SEMA3A: variants seen among roughly 807,000 people sequenced by gnomAD.
SEMA3A encodes the protein semaphorin 3A.
In SEMA3A, 29 loss-of-function variants were observed where a neutral mutation model predicts 97.9. That is an observed-to-expected ratio of 0.30 (90% CI 0.22 to 0.40). The LOEUF is 0.40. Ranked by LOEUF, SEMA3A falls within the 10% of genes least tolerant of loss-of-function variation. The probability of loss-of-function intolerance (pLI) is 1.00; values close to 1 mark genes in which losing one functional copy is unlikely to be tolerated. For synonymous variants in SEMA3A, 321 were observed against 323.7 expected, an observed-to-expected ratio of 0.99 and a Z score of 0.09; for missense variants, 763 against 951.3, an observed-to-expected ratio of 0.80 and a Z score of 2.60.
chr7:84,376,603 C>CA (rs60380985), intron 1 of SEMA3A, among the ~76,000 whole-genome samples: 6,463 of 36,380 alleles, frequency 0.18, 1,738 homozygotes, highest in East Asian at 0.56. Flanking sequence ...GACTCCGTCT[C>CA]AAAAAAAAAA....
intron 12 of SEMA3A, 69 bp from the exon 13 acceptor site, chr7:83,985,546 C>G (rs997788199): frequency 8.2e-7 from 1 of 1,217,150 alleles, no homozygotes; most frequent in Non-Finnish European, 1.2e-6. Context: ...TTAATTAACT[C>G]AAGGCACTGC....
At chr7:84,110,142 G>T (rs564643082) in intron 4 of SEMA3A, among the ~76,000 whole-genome samples, 1 of 152,114 alleles carries the variant, frequency 6.6e-6, no homozygotes, top group Non-Finnish European at 1.5e-5. Context: ...GGAAAAGGAG[G>T]AGAAGGCTGG....
chr7:84,062,617 G>C (rs1427101125), intron 4 of SEMA3A, among the ~76,000 whole-genome samples: 2 of 152,222 alleles, frequency 1.3e-5, no homozygotes, highest in Admixed American at 6.5e-5. Context: ...GAAGCGCAAG[G>C]GGTCAGGGAG....
intron 1 of SEMA3A, among the ~76,000 whole-genome samples, chr7:84,415,939 C>T (rs1468835643): frequency 1.3e-5 from 2 of 151,902 alleles, no homozygotes; most frequent in Non-Finnish European, 2.9e-5. Flanking sequence ...GATACGGCAC[C>T]AAAATTATCA....
At chr7:84,288,750 C>T (rs1320057394) in intron 3 of SEMA3A, among the ~76,000 whole-genome samples, 1 of 152,020 alleles carries the variant, frequency 6.6e-6, no homozygotes, top group East Asian at 1.9e-4. Context: ...AGTGTGTTCT[C>T]TGAACTTGGC....
intron 1 of SEMA3A, among the ~76,000 whole-genome samples, chr7:84,176,047 A>C (rs1335407339): frequency 6.6e-6 from 1 of 151,818 alleles, no homozygotes; most frequent in Non-Finnish European, 1.5e-5. Context: ...CAAATTCTGA[A>C]TTAAAATGTT....
chr7:84,165,455 T>C (rs1797173330), intron 1 of SEMA3A, among the ~76,000 whole-genome samples: 1 of 152,042 alleles, frequency 6.6e-6, no homozygotes, highest in African/African-American at 2.4e-5. Context: ...GAGTACTTAA[T>C]ATGTTGGAAG....
At chr7:84,345,022 T>C (rs1444168051) in intron 2 of SEMA3A, among the ~76,000 whole-genome samples, 1 of 152,188 alleles carries the variant, frequency 6.6e-6, no homozygotes, top group Non-Finnish European at 1.5e-5. Context: ...AATATTTAAA[T>C]AGACACTATA....
rs1460121264 is a variant in SEMA3A at position 84,188,919 on chromosome 7, T to C, written c.112+5556A>G. 3.9e-5 allele frequency among the ~76,000 whole-genome samples: 6 copies of C among 152,018 alleles called. No individual in the cohort carries two copies. In the South Asian group the frequency reaches 6.2e-4, roughly 16 times the overall value. ...TTGTGAATGTTAAATTTCATGACTA[T>C]TATGCCAATTTTTCCAAACTTGGTC... is the stretch of plus-strand genomic sequence containing the variant. On this transcript the variant is annotated intron_variant, in intron 1 of 16. Coordinates refer to ENST00000265362, the MANE Select transcript of SEMA3A (RefSeq NM_006080.3).
At chr7:84,159,616 T>C (rs1333477696) in intron 1 of SEMA3A, among the ~76,000 whole-genome samples, 2 of 152,158 alleles carry the variant, frequency 1.3e-5, no homozygotes, top group Non-Finnish European at 2.9e-5. Flanking sequence ...ACACCACCTC[T>C]TCATACCAGT....
chr7:84,426,277 C>CAGATAGAT (rs1554384465), intron 1 of SEMA3A, among the ~76,000 whole-genome samples: 5,656 of 133,054 alleles, frequency 0.043, 144 homozygotes, highest in South Asian at 0.071. Context: ...GATATATAGA[C>CAGATAGAT]AGATAGATAG....
chr7:84,475,543 TATG>T (rs1161045979), intron 1 of SEMA3A, among the ~76,000 whole-genome samples: 1 of 152,208 alleles, frequency 6.6e-6, no homozygotes, highest in Non-Finnish European at 1.5e-5. Context: ...TATATAAAAA[TATG>T]ATCACAAAAT....
intron 1 of SEMA3A, among the ~76,000 whole-genome samples, chr7:84,143,920 ATCTCTCTCTCTCTC>A (rs142920312): frequency 7.8e-6 from 1 of 128,716 alleles, no homozygotes; most frequent in African/African-American, 3.0e-5. Flanking sequence ...TACTGTCCTA[ATCTCTCTCTCTCTC>A]TCTCTCTCTC....
At chr7:83,973,477 G>T (rs1472376983) in intron 15 of SEMA3A, among the ~76,000 whole-genome samples, 2 of 151,878 alleles carry the variant, frequency 1.3e-5, no homozygotes, top group African/African-American at 4.8e-5. Context: ...TAAAGGTAGG[G>T]ATTACTTTTA....
chr7:84,406,067 A>G (rs1804075809), intron 1 of SEMA3A, among the ~76,000 whole-genome samples: 1 of 152,214 alleles, frequency 6.6e-6, no homozygotes, highest in Non-Finnish European at 1.5e-5. Context: ...ACTGAAGGAA[A>G]TAGAGACACA....
At chr7:83,965,115 A>G (rs1488267446) in intron 15 of SEMA3A, among the ~76,000 whole-genome samples, 1 of 123,802 alleles carries the variant, frequency 8.1e-6, no homozygotes, top group African/African-American at 3.0e-5. Flanking sequence ...TTTTTTTTGT[A>G]TTTTTAGTAG....
In SEMA3A at chr7:84,104,066, G is replaced by A. The variant is rs988146774; in HGVS notation, c.453+6404C>T. On this transcript the variant is annotated intron_variant, in intron 4 of 16. Transcript: ENST00000265362. ...ATGTAAAAGCTTTGATCCAAACTAG[G>A]TATTAGTCTACAAGGAATAGGAAAA... 2.8e-4 allele frequency among the ~76,000 whole-genome samples: 43 copies of A among 151,958 alleles called. 1 individual carries two copies. The highest frequency in any genetic ancestry group is 8.9e-4 in the African/African-American group (37 of 41,408).
chr7:84,324,633 T>G, intron 2 of SEMA3A, among the ~76,000 whole-genome samples: 1 of 152,292 alleles, frequency 6.6e-6, no homozygotes, highest in South Asian at 2.1e-4. Context: ...ATGTAATTTT[T>G]TTAACTTTAA....
chr7:84,324,891 A>T (rs1328208634), intron 2 of SEMA3A, among the ~76,000 whole-genome samples: 1 of 152,170 alleles, frequency 6.6e-6, no homozygotes, highest in Non-Finnish European at 1.5e-5. Flanking sequence ...TAAAATGTAT[A>T]AGGCATGTGT....
Sources: allele counts gnomAD v4.1 joint callset (sites outside exome capture counted in the v4.1 genomes callset), GRCh38; gene constraint gnomAD v4.1.1; transcripts MANE v1.5; gene names NCBI Gene and HGNC (gene_info 2026-07-23, HGNC 2026-07-21).